NIPBL: variants seen among roughly 807,000 people sequenced by gnomAD.
NIPBL encodes NIPBL cohesin loading factor.
A neutral mutation model predicts 321.8 loss-of-function variants in NIPBL; 19 were observed. The observed-to-expected ratio is 0.06, with a 90% confidence interval of 0.04 to 0.09. The LOEUF (loss-of-function observed/expected upper bound fraction) is 0.09, where lower values mean the gene tolerates loss of function less well. Ranked by LOEUF, NIPBL falls within the 10% of genes least tolerant of loss-of-function variation. NIPBL has a pLI of 1.00. For synonymous variants in NIPBL, 1,106 were observed against 1,114.1 expected (o/e 0.99, Z 0.14); for missense variants, 2,210 against 3,327.0 (o/e 0.66, Z 8.26).
At chr5:36,976,951 C>A (rs919086051) in intron 9 of NIPBL, among the ~76,000 whole-genome samples, 16 of 152,038 alleles carry the variant, frequency 1.1e-4, no homozygotes, top group African/African-American at 3.6e-4. Context: ...AATTAAGAGT[C>A]TTTTGGTGGT....
chr5:37,001,202 A>G, intron 14 of NIPBL, 124 bp downstream of exon 14: 1 of 692,606 alleles, frequency 1.4e-6, no homozygotes, highest in African/African-American at 1.8e-5. Flanking sequence ...TGTTGTGATC[A>G]CTTGTTGCTG....
chr5:36,915,244 A>G (rs938995410), intron 1 of NIPBL, among the ~76,000 whole-genome samples: 6 of 152,168 alleles, frequency 3.9e-5, no homozygotes, highest in Admixed American at 3.3e-4. Context: ...CTTTAGTAAC[A>G]TGTCTCTAAG....
chr5:36,977,480 G>A (rs1469364023), intron 9 of NIPBL, among the ~76,000 whole-genome samples: 1 of 151,668 alleles, frequency 6.6e-6, no homozygotes, highest in African/African-American at 2.4e-5. Flanking sequence ...AAAATGGACT[G>A]TATTTAGTAA....
In NIPBL at chr5:36,962,189, T is replaced by A. The variant is rs1286664031; in HGVS notation, c.525T>A (p.Pro175=). Reference sequence around the variant, plus strand: ...TGCCACAGCAAAATAGCCCAGTGCCTAGTCCATACGCCCCACAAAGCCCTG... The same window carrying A: ...TGCCACAGCAAAATAGCCCAGTGCCAAGTCCATACGCCCCACAAAGCCCTG... ...RFMPQQNSPV[P]SPYAPQSPAG... is the part of the protein sequence containing the mutation. The change falls in exon 6 of 47, where the codon CCT becomes CCA. Residue 175 remains proline (P), a synonymous_variant. Transcript: ENST00000282516. The A allele has an allele frequency of 1.5e-5, 25 of 1,614,126 alleles. No homozygotes were observed. The highest frequency in any genetic ancestry group is 2.0e-5 in the Non-Finnish European group (24 of 1,179,978).
At chr5:37,056,159 G>C in intron 42 of NIPBL, among the ~76,000 whole-genome samples, 1 of 152,084 alleles carries the variant, frequency 6.6e-6, no homozygotes, top group Admixed American at 6.6e-5. Flanking sequence ...TAATAGATGA[G>C]GTAGGGTTTT....
At position 37,054,662 on chromosome 5, in the gene NIPBL, C is replaced by G. The variant is rs1288716239; in HGVS notation, c.7263+2096C>G. 2.0e-5 allele frequency among the ~76,000 whole-genome samples: 3 copies of G among 152,134 alleles called. No homozygotes were observed. In the South Asian group the frequency reaches 6.2e-4, roughly 31 times the overall value. The stretch of plus-strand genomic sequence containing the variant: ...TGCTAAACTGGAAACCCAGCTCTCA[C>G]AATGCAATGCTTTCTTCTGACTACC... On this transcript the variant is annotated intron_variant, in intron 42 of 46. Transcript: ENST00000282516.
At chr5:36,887,269 AC>A in intron 1 of NIPBL, among the ~76,000 whole-genome samples, 1 of 152,332 alleles carries the variant, frequency 6.6e-6, no homozygotes, top group East Asian at 1.9e-4. Flanking sequence ...TTTTGAACAT[AC>A]AGCACATAGA....
chr5:37,019,290 CTTATTTGGTTT>C lies in NIPBL; in HGVS notation c.4921-20_4921-10del. The C allele has an allele frequency of 6.7e-7, 1 of 1,502,766 alleles. No individual in the cohort carries two copies. The highest frequency in any genetic ancestry group is 9.3e-7 in the Non-Finnish European group (1 of 1,080,248). The allele number at this position is 1,502,766 out of a possible 1,614,324, so 93.1% of individuals were successfully genotyped here. On this transcript the variant is annotated splice_polypyrimidine_tract_variant and intron_variant, in intron 24 of 46. Transcript: ENST00000282516. Reference sequence around the variant, plus strand: ...GCACACCAGTAATATCTTTTTTGTTCTTATTTGGTTTATTCTATAGGTTTCAGGAGGGGAAG... The same window carrying C: ...GCACACCAGTAATATCTTTTTTGTTCATTCTATAGGTTTCAGGAGGGGAAG...
intron 40 of NIPBL, among the ~76,000 whole-genome samples, chr5:37,050,705 A>G (rs944615571): frequency 2.0e-5 from 3 of 152,206 alleles, no homozygotes; most frequent in African/African-American, 7.2e-5. Context: ...GAACAAGGAC[A>G]TTCTCTTACA....
rs572178354 is a variant in NIPBL, at chr5:37,020,451, C to A, written c.5011-8C>A. ...CATCAAGCTCAAGTCTGTCTAATTT[C>A]TTTCCAGTTTTCTCGTAAATTCTAT... On this transcript the variant is annotated splice_polypyrimidine_tract_variant and splice_region_variant and intron_variant, in intron 25 of 46. Coordinates refer to ENST00000282516, the MANE Select transcript of NIPBL (RefSeq NM_133433.4). 1 of 1,594,006 alleles carries A rather than the reference C, an allele frequency of 6.3e-7. No homozygotes were observed. Among genetic ancestry groups the A allele is most frequent in the Non-Finnish European group, 8.6e-7 (1 of 1,162,112 alleles).
In NIPBL at chr5:37,022,155, G is replaced by C. The variant is rs1434859841; in HGVS notation, c.5427+6G>C. Reference sequence around the variant, plus strand: ...ACCCCAGTATTCTAGCAAGGGTAAAGAGCAAAAATGATTCTTTCTTTTCTA... The same window carrying C: ...ACCCCAGTATTCTAGCAAGGGTAAACAGCAAAAATGATTCTTTCTTTTCTA... On this transcript the variant is annotated splice_donor_region_variant and intron_variant, in intron 28 of 46. Transcript: ENST00000282516. The C allele has an allele frequency of 6.2e-7, 1 of 1,613,746 alleles. No homozygotes were observed. Among genetic ancestry groups the C allele is most frequent in the Non-Finnish European group, 8.5e-7 (1 of 1,179,678 alleles).
chr5:36,915,462 A>G (rs865935392), intron 1 of NIPBL, among the ~76,000 whole-genome samples: 13 of 152,152 alleles, frequency 8.5e-5, no homozygotes, highest in Non-Finnish European at 1.5e-4. Flanking sequence ...ATTGTAAACC[A>G]AAAGCTCTTA....
intron 10 of NIPBL, among the ~76,000 whole-genome samples, chr5:36,994,573 T>A (rs1187371452): frequency 1.3e-5 from 2 of 152,150 alleles, no homozygotes; most frequent in Admixed American, 1.3e-4. Context: ...TACTAATATT[T>A]CCTGCTATAA....
intron 1 of NIPBL, among the ~76,000 whole-genome samples, chr5:36,883,344 C>A (rs1218774743): frequency 6.6e-6 from 1 of 151,656 alleles, no homozygotes; most frequent in African/African-American, 2.4e-5. Flanking sequence ...CAGAAATTAG[C>A]AATATTAATT....
intron 44 of NIPBL, 37 bp downstream of exon 44, chr5:37,059,202 T>TCA: frequency 1.9e-6 from 3 of 1,606,416 alleles, no homozygotes; most frequent in Non-Finnish European, 2.6e-6. Context: ...AAAACTTCAC[T>TCA]CTGTTCAAAT....
At chr5:36,886,463 C>A in intron 1 of NIPBL, 1 of 754,330 alleles carries the variant, frequency 1.3e-6, no homozygotes, top group Non-Finnish European at 2.4e-6. Flanking sequence ...AGAGTGGTGT[C>A]TGAGACCAGT....
At chr5:36,961,196 T>A (rs535751829) in intron 4 of NIPBL, among the ~76,000 whole-genome samples, 110 of 152,310 alleles carry the variant, frequency 7.2e-4, no homozygotes, top group Middle Eastern at 6.8e-3. Context: ...TTTAAAAAAA[T>A]CTTTTCAATT....
chr5:37,018,665 A>G (rs920595561), intron 24 of NIPBL, among the ~76,000 whole-genome samples: 9 of 152,120 alleles, frequency 5.9e-5, no homozygotes, highest in Non-Finnish European at 1.3e-4. Flanking sequence ...TTGATTATAC[A>G]TTGTGCAGCT....
intron 9 of NIPBL, among the ~76,000 whole-genome samples, chr5:36,977,753 C>T (rs552719871): frequency 2.0e-5 from 3 of 151,884 alleles, no homozygotes; most frequent in Admixed American, 6.6e-5. Context: ...ACCTTGGCTT[C>T]GTCCCTTTTT....
Sources: allele counts gnomAD v4.1 joint callset (sites outside exome capture counted in the v4.1 genomes callset), GRCh38; gene constraint gnomAD v4.1.1; transcripts MANE v1.5; gene names NCBI Gene and HGNC (gene_info 2026-07-23, HGNC 2026-07-21).